The following AGBL4 variants were observed in gnomAD, a reference collection of about 807,000 sequenced individuals.
AGBL4 encodes AGBL carboxypeptidase 4.
AGBL4 carries 58 observed loss-of-function variants against 66.4 expected under a neutral mutation model. The ratio of observed to expected loss-of-function variants is 0.87; its 90% confidence interval spans 0.71 to 1.09. The LOEUF (loss-of-function observed/expected upper bound fraction) is 1.09. Ranked by LOEUF, AGBL4 falls within the 50% of genes least tolerant of loss-of-function variation. AGBL4 has a pLI of 0.00. For missense variants in AGBL4, 579 were observed against 631.0 expected (o/e 0.92, Z 0.88); for synonymous variants, 234 against 222.9 (o/e 1.05, Z -0.44).
intron 3 of AGBL4, among the ~76,000 whole-genome samples, chr1:49,410,043 CA>C (rs1226446768): frequency 1.3e-5 from 2 of 152,166 alleles, no homozygotes; most frequent in Admixed American, 6.5e-5. Context: ...TGAAGTACTA[CA>C]ATGTAGGAAA....
At chr1:49,136,434 A>G (rs1646012651) in intron 4 of AGBL4, among the ~76,000 whole-genome samples, 1 of 152,196 alleles carries the variant, frequency 6.6e-6, no homozygotes. Context: ...CACCTTGTCC[A>G]CTACATGTTG....
At chr1:49,767,767 C>A (rs1643928715) in intron 2 of AGBL4, among the ~76,000 whole-genome samples, 2 of 151,856 alleles carry the variant, frequency 1.3e-5, no homozygotes, top group Admixed American at 6.6e-5. Flanking sequence ...GGTGACATTA[C>A]AACTGATCCC....
rs1350532606 is a variant in AGBL4 at position 48,928,974 on chromosome 1, G to C, written c.595-61744C>G. ...CCCTCAATGGTTGCTTTAATTACAAGAGCCCCATTCTGAACCCTGGGATTT... is the reference window on the plus strand; with the variant it reads ...CCCTCAATGGTTGCTTTAATTACAACAGCCCCATTCTGAACCCTGGGATTT... On this transcript the variant is annotated intron_variant, in intron 5 of 13. Transcript: ENST00000371839. Among the ~76,000 whole-genome samples the C allele has an allele frequency of 3.3e-5, 5 of 152,018 alleles. No homozygotes were observed. The East Asian group carries it at 9.6e-4, about 29-fold the overall frequency.
In AGBL4 at chr1:49,884,332, A is replaced by T. The variant is rs530836521; in HGVS notation, c.35-32814T>A. Among the ~76,000 whole-genome samples the T allele has an allele frequency of 2.9e-4, 44 of 152,054 alleles. 2 individuals are homozygous for T. The South Asian group carries it at 8.5e-3, about 29-fold the overall frequency. On this transcript the variant is annotated intron_variant, in intron 1 of 13. Coordinates refer to ENST00000371839, the MANE Select transcript of AGBL4 (RefSeq NM_032785.4). ...TGTAAAACACATGTAAATTACTTAG[A>T]ACATAGTATTCACTCAGTAAGTAGT...
chr1:49,685,572 T>C (rs1418365391), intron 3 of AGBL4, among the ~76,000 whole-genome samples: 1 of 152,190 alleles, frequency 6.6e-6, no homozygotes, highest in African/African-American at 2.4e-5. Flanking sequence ...CTGTTATGTT[T>C]TGACTTTTTA....
intron 2 of AGBL4, among the ~76,000 whole-genome samples, chr1:49,823,439 T>C (rs1237120348): frequency 1.3e-5 from 2 of 152,120 alleles, no homozygotes; most frequent in African/African-American, 4.8e-5. Context: ...TTAATACACG[T>C]TGGTTGTTCC....
At chr1:49,464,260 T>C (rs1170028038) in intron 3 of AGBL4, among the ~76,000 whole-genome samples, 1 of 151,740 alleles carries the variant, frequency 6.6e-6, no homozygotes, top group Admixed American at 6.6e-5. Flanking sequence ...TACTCTCACT[T>C]GATTATGCTT....
At chr1:48,628,609 C>A (rs1426307062) in intron 9 of AGBL4, among the ~76,000 whole-genome samples, 2 of 152,110 alleles carry the variant, frequency 1.3e-5, no homozygotes, top group East Asian at 3.9e-4. Context: ...ACCTCACATG[C>A]CCTCCTCACA....
At chr1:49,457,236 T>C (rs1646409703) in intron 3 of AGBL4, among the ~76,000 whole-genome samples, 1 of 151,776 alleles carries the variant, frequency 6.6e-6, no homozygotes, top group South Asian at 2.1e-4. Flanking sequence ...TCAACATCTA[T>C]TATTTTTTGA....
intron 3 of AGBL4, among the ~76,000 whole-genome samples, chr1:49,557,068 C>G (rs1023111636): frequency 2.6e-4 from 40 of 152,086 alleles, no homozygotes; most frequent in Non-Finnish European, 5.4e-4. Context: ...GCGTGCAGCC[C>G]TGGTTCCCAC....
intron 2 of AGBL4, among the ~76,000 whole-genome samples, chr1:49,840,519 T>C (rs1645964510): frequency 6.6e-6 from 1 of 152,180 alleles, no homozygotes. Flanking sequence ...ACTCATTCTA[T>C]GAAGCCACTC....
At chr1:49,285,762 A>G (rs573428435) in intron 3 of AGBL4, among the ~76,000 whole-genome samples, 1 of 152,314 alleles carries the variant, frequency 6.6e-6, no homozygotes, top group South Asian at 2.1e-4. Flanking sequence ...AATAAACTAG[A>G]AAATCTAGAA....
chr1:48,793,869 A>G (rs1254596455), intron 6 of AGBL4, among the ~76,000 whole-genome samples: 1 of 152,140 alleles, frequency 6.6e-6, no homozygotes, highest in Non-Finnish European at 1.5e-5. Context: ...GGCCATGCTG[A>G]TTCCTCAAGA....
intron 3 of AGBL4, among the ~76,000 whole-genome samples, chr1:49,653,855 A>C (rs374163955): frequency 6.6e-6 from 1 of 152,148 alleles, no homozygotes; most frequent in South Asian, 2.1e-4. Context: ...TGATAGAGGT[A>C]TCTGAAAGAG....
chr1:49,131,929 G>A (rs1645906045), intron 4 of AGBL4, among the ~76,000 whole-genome samples: 1 of 152,036 alleles, frequency 6.6e-6, no homozygotes, highest in Admixed American at 6.6e-5. Flanking sequence ...ATATGGAACT[G>A]GAAAATGGTA....
At chr1:49,088,278 G>T (rs549452331) in intron 4 of AGBL4, among the ~76,000 whole-genome samples, 1 of 152,198 alleles carries the variant, frequency 6.6e-6, no homozygotes, top group African/African-American at 2.4e-5. Context: ...CAATTAAAAG[G>T]CACAGAGTTG....
Position 49,699,902 on chromosome 1 carries a change from T to C in AGBL4, c.158-2465A>G, listed in dbSNP as rs1039906961. On this transcript the variant is annotated intron_variant, in intron 2 of 13. Coordinates refer to ENST00000371839, the MANE Select transcript of AGBL4 (RefSeq NM_032785.4). ...AAGTAGATTGTAGTTGCTTTTACCA[T>C]GCATACATATACCAAAAAAGTTAAC... is the stretch of plus-strand genomic sequence containing the variant. Among the ~76,000 whole-genome samples the C allele has an allele frequency of 2.6e-5, 4 of 151,904 alleles. No individual in the cohort carries two copies. The South Asian group carries it at 8.3e-4, about 32-fold the overall frequency.
At chr1:49,852,179 A>C (rs1646320169) in intron 1 of AGBL4, among the ~76,000 whole-genome samples, 1 of 152,080 alleles carries the variant, frequency 6.6e-6, no homozygotes, top group Non-Finnish European at 1.5e-5. Context: ...AACTTTCCCA[A>C]ATCTATCAGA....
At chr1:49,996,424 G>A (rs1660373820) in intron 1 of AGBL4, among the ~76,000 whole-genome samples, 1 of 151,996 alleles carries the variant, frequency 6.6e-6, no homozygotes, top group Non-Finnish European at 1.5e-5. Flanking sequence ...AAAATACATT[G>A]GAAAATCTCA....
Sources: allele counts gnomAD v4.1 joint callset (sites outside exome capture counted in the v4.1 genomes callset), GRCh38; gene constraint gnomAD v4.1.1; transcripts MANE v1.5; gene names NCBI Gene and HGNC (gene_info 2026-07-23, HGNC 2026-07-21).